The following ARHGEF3 variants were observed in gnomAD, a reference collection of about 807,000 sequenced individuals.
ARHGEF3 encodes the protein Rho guanine nucleotide exchange factor 3, also known as 59.8 kDA protein.
A neutral mutation model predicts 63.2 loss-of-function variants in ARHGEF3; 28 were observed. The ratio of observed to expected loss-of-function variants is 0.44; its 90% CI spans 0.33 to 0.61. The LOEUF is 0.61. Among genes scored for constraint, ARHGEF3 ranks in the 20% least tolerant of loss-of-function variants. The probability of loss-of-function intolerance (pLI) is 0.03; values close to 1 mark genes in which losing one functional copy is unlikely to be tolerated. For synonymous variants in ARHGEF3, 266 were observed against 254.2 expected, an observed-to-expected ratio of 1.05 and a Z score of -0.44; for missense variants, 533 against 659.3, an observed-to-expected ratio of 0.81 and a Z score of 2.10.
intron 3 of ARHGEF3, among the ~76,000 whole-genome samples, chr3:56,903,586 T>C (rs1025937165): frequency 1.3e-5 from 2 of 152,198 alleles, no homozygotes; most frequent in African/African-American, 2.4e-5. Context: ...ACACCACCCA[T>C]ACCCTACTAT....
At chr3:56,729,670 C>G in intron 9 of ARHGEF3, 48 bp from the exon 10 acceptor site, 1 of 1,477,772 alleles carries the variant, frequency 6.8e-7, no homozygotes, top group South Asian at 1.3e-5. Context: ...ACAGATCCTT[C>G]CTCAGGCCAA....
chr3:56,752,214 C>A (rs139961380), intron 4 of ARHGEF3, among the ~76,000 whole-genome samples: 1 of 151,112 alleles, frequency 6.6e-6, no homozygotes. Flanking sequence ...AGCCACAGCA[C>A]CCAGCCTAAT....
At chr3:56,774,898 A>AAAACAAAC in intron 1 of ARHGEF3, 1 of 1,098,218 alleles carries the variant, frequency 9.1e-7, no homozygotes, top group Middle Eastern at 2.2e-4. Context: ...AAAAAAACAA[A>AAAACAAAC]AAACAAACAA....
At chr3:56,982,909 C>T (rs753453086) in intron 2 of ARHGEF3, among the ~76,000 whole-genome samples, 2 of 152,046 alleles carry the variant, frequency 1.3e-5, no homozygotes, top group East Asian at 1.9e-4. Context: ...CACCCACCTG[C>T]CCAGGGACCA....
chr3:56,756,545 C>CTTTTT (rs35251607), intron 2 of ARHGEF3, among the ~76,000 whole-genome samples: 13 of 100,058 alleles, frequency 1.3e-4, no homozygotes, highest in East Asian at 6.3e-4. Flanking sequence ...TCATAGCTGG[C>CTTTTT]TTTTTTTTTT....
At chr3:56,939,495 T>G (rs1323635193) in intron 3 of ARHGEF3, among the ~76,000 whole-genome samples, 2 of 152,234 alleles carry the variant, frequency 1.3e-5, no homozygotes, top group Non-Finnish European at 2.9e-5. Context: ...GACTGATTCT[T>G]GGACCACCTT....
intron 3 of ARHGEF3, among the ~76,000 whole-genome samples, chr3:56,938,140 G>C (rs542471542): frequency 7.2e-5 from 11 of 152,140 alleles, no homozygotes; most frequent in Non-Finnish European, 1.5e-4. Context: ...CCAGCACCAC[G>C]TGGGAGTTGG....
chr3:56,797,551 G>A (rs535336385), intron 1 of ARHGEF3, among the ~76,000 whole-genome samples: 1 of 152,254 alleles, frequency 6.6e-6, no homozygotes, highest in South Asian at 2.1e-4. Flanking sequence ...TTTCATGTGT[G>A]TTCAGGTATA....
At chr3:56,864,668 A>G (rs781305556) in intron 4 of ARHGEF3, among the ~76,000 whole-genome samples, 1 of 152,200 alleles carries the variant, frequency 6.6e-6, no homozygotes, top group Admixed American at 6.5e-5. Context: ...TGCTCAGTCA[A>G]TGTGAATATC....
At chr3:57,021,715 T>C (rs930433574) in intron 2 of ARHGEF3, among the ~76,000 whole-genome samples, 1 of 148,776 alleles carries the variant, frequency 6.7e-6, no homozygotes, top group African/African-American at 2.5e-5. Context: ...ATCATGCCAC[T>C]GCACTCCAGC....
At chr3:56,880,751 C>T (rs2040738817) in intron 4 of ARHGEF3, among the ~76,000 whole-genome samples, 1 of 152,080 alleles carries the variant, frequency 6.6e-6, no homozygotes, top group Admixed American at 6.6e-5. Flanking sequence ...GATTCAAACA[C>T]ACAAAAAAAT....
At chr3:56,759,064 C>G (rs1347503562) in intron 2 of ARHGEF3, among the ~76,000 whole-genome samples, 1 of 152,084 alleles carries the variant, frequency 6.6e-6, no homozygotes, top group African/African-American at 2.4e-5. Context: ...AAATTAAGTA[C>G]AAATGCCCTC....
chr3:56,936,132 G>A (rs1291913812), intron 3 of ARHGEF3, among the ~76,000 whole-genome samples: 1 of 152,102 alleles, frequency 6.6e-6, no homozygotes, highest in East Asian at 1.9e-4. Flanking sequence ...TTTGGGGATG[G>A]GGAACCTGAG....
chr3:57,010,242 C>T (rs1396914085), intron 2 of ARHGEF3, among the ~76,000 whole-genome samples: 1 of 152,116 alleles, frequency 6.6e-6, no homozygotes, highest in Non-Finnish European at 1.5e-5. Flanking sequence ...ATCACGAGGT[C>T]AGGAGATAGA....
chr3:56,766,808 G>A (rs752716295), intron 2 of ARHGEF3, among the ~76,000 whole-genome samples: 2 of 151,776 alleles, frequency 1.3e-5, no homozygotes, highest in African/African-American at 2.4e-5. Flanking sequence ...CCGTATCAAC[G>A]GCCTTTAGTA....
intron 3 of ARHGEF3, among the ~76,000 whole-genome samples, chr3:56,943,155 TG>T (rs71621850): frequency 0.1 from 15,646 of 152,268 alleles, 1,109 homozygotes; most frequent in Non-Finnish European, 0.15. Flanking sequence ...AGCCTTATCT[TG>T]GAAGAAGATG....
intron 2 of ARHGEF3, among the ~76,000 whole-genome samples, chr3:56,771,646 T>G (rs1219590565): frequency 1.3e-5 from 2 of 152,182 alleles, no homozygotes; most frequent in East Asian, 3.8e-4. Context: ...AAAAGGCAAT[T>G]CTGTTATATC....
At chr3:56,897,898 G>A (rs1384776231) in intron 3 of ARHGEF3, among the ~76,000 whole-genome samples, 1 of 151,580 alleles carries the variant, frequency 6.6e-6, no homozygotes, top group Non-Finnish European at 1.5e-5. Flanking sequence ...TTTTATTTTT[G>A]AGACAGGGTC....
At chr3:56,845,232 T>C (rs887597572) in intron 4 of ARHGEF3, among the ~76,000 whole-genome samples, 1 of 152,248 alleles carries the variant, frequency 6.6e-6, no homozygotes, top group Non-Finnish European at 1.5e-5. Context: ...ATTGCAGCCT[T>C]GTCAGACCCT....
Sources: allele counts gnomAD v4.1 joint callset (sites outside exome capture counted in the v4.1 genomes callset), GRCh38; gene constraint gnomAD v4.1.1; transcripts MANE v1.5; gene names NCBI Gene and HGNC (gene_info 2026-07-23, HGNC 2026-07-21).